The following MPDZ variants were observed in gnomAD, a reference collection of about 807,000 sequenced individuals.
The protein encoded by MPDZ is multiple PDZ domain protein.
A neutral mutation model predicts 239.1 loss-of-function variants in MPDZ; 234 were observed. The observed-to-expected ratio is 0.98, with a 90% confidence interval of 0.88 to 1.09. MPDZ has a LOEUF of 1.09. Ranked by LOEUF, MPDZ falls within the 50% of genes least tolerant of loss-of-function variation. The pLI, the probability that MPDZ is intolerant of heterozygous loss-of-function variation, is 0.00. For missense variants in MPDZ, 3,175 were observed against 2,510.0 expected, an observed-to-expected ratio of 1.26 and a Z score of -5.66; for synonymous variants, 1,048 against 881.3, an observed-to-expected ratio of 1.19 and a Z score of -3.35.
chr9:13,277,654 T>C (rs1186593975), intron 1 of MPDZ, among the ~76,000 whole-genome samples: 2 of 152,092 alleles, frequency 1.3e-5, no homozygotes, highest in Non-Finnish European at 2.9e-5. Flanking sequence ...AACCGCTGCC[T>C]CCCGGGTTCA....
At chr9:13,201,091 T>C (rs546085856) in intron 12 of MPDZ, among the ~76,000 whole-genome samples, 2 of 152,164 alleles carry the variant, frequency 1.3e-5, no homozygotes, top group East Asian at 3.9e-4. Flanking sequence ...TGCTCTGATG[T>C]TGGGTGTATA....
intron 22 of MPDZ, among the ~76,000 whole-genome samples, chr9:13,163,230 C>T (rs1950672333): frequency 6.6e-6 from 1 of 152,098 alleles, no homozygotes; most frequent in Non-Finnish European, 1.5e-5. Context: ...CTGAATATCA[C>T]AAATTACTTT....
At position 13,198,153 on chromosome 9, in the gene MPDZ, T is replaced by C. The variant is rs535611940; in HGVS notation, c.1547-1923A>G. Among the ~76,000 whole-genome samples the C allele has an allele frequency of 1.1e-4, 17 of 152,226 alleles. No individual in the cohort carries two copies. The East Asian group carries it at 3.1e-3, about 28-fold the overall frequency. ...GATCATATGGTAGTTTAACTGTTCG[T>C]TTTTTGAGGAACCTCCATAATGCTC... On this transcript the variant is annotated intron_variant, in intron 12 of 46. Transcript: ENST00000319217.
In MPDZ at chr9:13,255,858, A is replaced by G. The variant is rs1291617814; in HGVS notation, c.-57-5486T>C. 2.0e-5 allele frequency among the ~76,000 whole-genome samples: 3 copies of G among 152,192 alleles called. No individual in the cohort carries two copies. In the East Asian group the frequency reaches 5.8e-4, roughly 29 times the overall value. On this transcript the variant is annotated intron_variant, in intron 1 of 46. Coordinates refer to ENST00000319217, the MANE Select transcript of MPDZ (RefSeq NM_001378778.1). ...GAAATGGTAAATAAGCACTGGCTTC[A>G]ATTTGACATCACCATCTGCATTAGC...
intron 2 of MPDZ, 123 bp downstream of exon 2, chr9:13,250,177 A>C: frequency 1.2e-6 from 1 of 857,738 alleles, no homozygotes; most frequent in Non-Finnish European, 1.8e-6. Context: ...CTAGTAGGTA[A>C]AAACTTTTTA....
intron 1 of MPDZ, chr9:13,276,801 G>A (rs1397628754): frequency 6.6e-6 from 1 of 152,152 alleles, no homozygotes; most frequent in Admixed American, 6.5e-5. Context: ...GTCAGATCTG[G>A]GATGTAATCT....
chr9:13,121,070 T>C (rs1022141302), intron 38 of MPDZ, among the ~76,000 whole-genome samples: 2 of 152,192 alleles, frequency 1.3e-5, no homozygotes, highest in African/African-American at 4.8e-5. Context: ...TGTAAATACT[T>C]TTAAAATGTA....
intron 24 of MPDZ, among the ~76,000 whole-genome samples, chr9:13,152,733 G>T (rs1305720928): frequency 6.6e-6 from 1 of 151,978 alleles, no homozygotes; most frequent in Admixed American, 6.6e-5. Flanking sequence ...CATCTGGTAT[G>T]CTCCCGCCTT....
rs1273984035 is a variant in MPDZ, at chr9:13,222,423, T to C, written c.557A>G (p.Asp186Gly). The C allele has an allele frequency of 6.2e-7, 1 of 1,612,136 alleles. No individual in the cohort carries two copies. The highest frequency in any genetic ancestry group is 8.5e-7 in the Non-Finnish European group (1 of 1,179,028). The change falls in exon 6 of 47, where the codon GAT becomes GGT. Residue 186 changes from aspartate to glycine, a missense_variant. Coordinates refer to ENST00000319217, the MANE Select transcript of MPDZ (RefSeq NM_001378778.1). ...AHRDGRLKET[D>G]QILAINGQAL... ...CTGTCCATTGATAGCAAGAATTTGA[T>C]CAGTTTCTTTCAATCTTCCATCTCT...
chr9:13,116,335 T>C (rs1223323173), intron 39 of MPDZ, among the ~76,000 whole-genome samples: 1 of 152,208 alleles, frequency 6.6e-6, no homozygotes, highest in East Asian at 1.9e-4. Flanking sequence ...ACTCTGAATT[T>C]TAAAAATGTA....
chr9:13,147,545 T>C lies in MPDZ; in HGVS notation c.3741+3A>G, dbSNP rs891637634. On this transcript the variant is annotated splice_donor_region_variant and intron_variant, in intron 26 of 46. Coordinates refer to ENST00000319217, the MANE Select transcript of MPDZ (RefSeq NM_001378778.1). ...GCCTACCTTGCCCTTTGTGTTCGCT[T>C]ACCCTTGGTCTGTTTATAATGCTCT... 1 of 1,609,244 alleles carries C rather than the reference T, an allele frequency of 6.2e-7. No homozygotes were observed. The highest frequency in any genetic ancestry group is 8.5e-7 in the Non-Finnish European group (1 of 1,176,104).
At chr9:13,264,699 T>G (rs1026408365) in intron 1 of MPDZ, among the ~76,000 whole-genome samples, 1 of 151,506 alleles carries the variant, frequency 6.6e-6, no homozygotes, top group Non-Finnish European at 1.5e-5. Flanking sequence ...ATTAGGGAAC[T>G]ATGGATTCTA....
chr9:13,269,701 T>C (rs1972539595), intron 1 of MPDZ, among the ~76,000 whole-genome samples: 1 of 152,194 alleles, frequency 6.6e-6, no homozygotes, highest in Admixed American at 6.5e-5. Context: ...GAGAGAACCC[T>C]GTAGTCCTCT....
intron 1 of MPDZ, among the ~76,000 whole-genome samples, chr9:13,274,915 T>A (rs1230740826): frequency 6.6e-6 from 1 of 152,210 alleles, no homozygotes; most frequent in African/African-American, 2.4e-5. Flanking sequence ...AACGAATGCT[T>A]TTATAAAACA....
intron 43 of MPDZ, 48 bp downstream of exon 43, chr9:13,111,976 A>G (rs1374359214): frequency 1.3e-6 from 2 of 1,592,196 alleles, no homozygotes; most frequent in Non-Finnish European, 1.7e-6. Flanking sequence ...TTATAAAAAC[A>G]CTTCTGCACA....
At chr9:13,188,466 C>A (rs1162305354) in intron 17 of MPDZ, among the ~76,000 whole-genome samples, 5 of 151,966 alleles carry the variant, frequency 3.3e-5, no homozygotes, top group African/African-American at 4.8e-5. Flanking sequence ...TGCAATGAAC[C>A]GAGATTTCGC....
In MPDZ at chr9:13,247,661, T is replaced by A. The variant is rs1481599462; in HGVS notation, c.157A>T (p.Thr53Ser). ...PLFSQILSLQTSVQQLKDQVN... is the reference protein window; with the variant it reads ...PLFSQILSLQSSVQQLKDQVN... ...TGGTCTTTCAGCTGCTGTACAGAAG[T>A]CTGAAGGCTCAGAATCTGACTGAAG... Residue 53 changes from threonine (T) to serine (S), a missense_variant, in exon 3 of 47, where the codon ACT becomes TCT. Thr to Ser is a moderately conservative substitution (Grantham distance 58). Coordinates refer to ENST00000319217, the MANE Select transcript of MPDZ (RefSeq NM_001378778.1). 6.2e-7 allele frequency: 1 copy of A among 1,613,066 alleles called. No individual in the cohort carries two copies. The highest frequency in any genetic ancestry group is 1.7e-5 in the Admixed American group (1 of 59,980).
At chr9:13,171,439 C>T (rs936894533) in intron 21 of MPDZ, among the ~76,000 whole-genome samples, 2 of 152,074 alleles carry the variant, frequency 1.3e-5, no homozygotes, top group African/African-American at 2.4e-5. Flanking sequence ...GACTCTACCC[C>T]TTTAAGGGTT....
chr9:13,108,111 T>C (rs1197680142), intron 46 of MPDZ, among the ~76,000 whole-genome samples: 1 of 152,164 alleles, frequency 6.6e-6, no homozygotes, highest in Non-Finnish European at 1.5e-5. Context: ...ACTATACCAC[T>C]AATCCAAAGG....
Sources: allele counts gnomAD v4.1 joint callset (sites outside exome capture counted in the v4.1 genomes callset), GRCh38; gene constraint gnomAD v4.1.1; transcripts MANE v1.5; gene names NCBI Gene and HGNC (gene_info 2026-07-23, HGNC 2026-07-21).